Variants in ZNF658 observed in about 807,000 individuals in gnomAD.
The protein encoded by ZNF658 is zinc finger protein 658.
Under a neutral mutation model 78.0 loss-of-function variants are expected in ZNF658, and 46 were observed. The ratio of observed to expected loss-of-function variants is 0.59; its 90% CI spans 0.47 to 0.75. The LOEUF (loss-of-function observed/expected upper bound fraction) is 0.75. Among genes scored for constraint, ZNF658 ranks in the 30% least tolerant of loss-of-function variants. The pLI is 0.00. For synonymous variants in ZNF658, 279 were observed against 408.4 expected (o/e 0.68, Z 3.82); for missense variants, 785 against 1,189.3 (o/e 0.66, Z 5.00).
intron 4 of ZNF658, among the ~76,000 whole-genome samples, chr9:66,914,366 G>A (rs1822284728): frequency 6.6e-6 from 1 of 151,878 alleles, no homozygotes; most frequent in African/African-American, 2.4e-5. Context: ...TTCTGCCCTT[G>A]CTAAAAACAC....
rs1239229809 is a variant in ZNF658 at position 66,919,095 on chromosome 9, G to T, written c.1529G>T (p.Arg510Ile). ...GKTSHLKGHQ[R>I]ILMGEKPYEC... ...ACATCACATCTCAAAGGACATCAGA[G>T]AATTCTCATGGGGGAGAAACCCTAT... Residue 510 changes from arginine to isoleucine, a missense_variant, in exon 5 of 5, where the codon AGA becomes ATA. Transcript: ENST00000621410. 5 of 572,178 alleles carry T rather than the reference G, an allele frequency of 8.7e-6. No individual in the cohort carries two copies. Among genetic ancestry groups the T allele is most frequent in the East Asian group, 2.9e-5 (1 of 34,694 alleles). 35.4% of individuals were successfully genotyped at this position (572,178 alleles called of 1,614,324 possible).
intron 4 of ZNF658, 151 bp downstream of exon 4, chr9:66,908,885 G>A (rs1822147387): frequency 4.9e-6 from 3 of 606,494 alleles, no homozygotes; most frequent in East Asian, 2.8e-5. Flanking sequence ...GTGACTTCAA[G>A]CAACCACAGA....
intron 2 of ZNF658, 63 bp from the exon 3 acceptor site, chr9:66,908,175 T>C (rs1267666485): frequency 1.2e-6 from 2 of 1,612,424 alleles, no homozygotes; most frequent in Non-Finnish European, 1.7e-6. Context: ...ATTTTCTGTG[T>C]CACCCAATTC....
At chr9:66,901,231 C>T (rs1821945806) in intron 1 of ZNF658, among the ~76,000 whole-genome samples, 1 of 152,088 alleles carries the variant, frequency 6.6e-6, no homozygotes, top group Non-Finnish European at 1.5e-5. Flanking sequence ...TTTCACCTGA[C>T]CCTCACAACG....
intron 2 of ZNF658, among the ~76,000 whole-genome samples, chr9:66,905,015 C>A (rs1822039515): frequency 7.3e-6 from 1 of 136,994 alleles, no homozygotes; most frequent in Non-Finnish European, 1.6e-5. Flanking sequence ...CACTCTGATT[C>A]TCATGTCCAG....
intron 4 of ZNF658, among the ~76,000 whole-genome samples, chr9:66,912,143 A>G (rs529208321): frequency 8.2e-6 from 1 of 122,584 alleles, no homozygotes; most frequent in African/African-American, 3.8e-5. Context: ...AAAAAAAAAA[A>G]AAAAAAAGAC....
In ZNF658 at chr9:66,908,810, T is replaced by A. The variant is rs529075414; in HGVS notation, c.238+76T>A. 635 of 970,756 alleles carry A rather than the reference T, an allele frequency of 6.5e-4. 1 individual carries two copies. Among genetic ancestry groups the A allele is most frequent in the Non-Finnish European group, 9.6e-4 (608 of 633,774 alleles). The allele number at this position is 970,756 out of a possible 1,614,324, so 60.1% of individuals were successfully genotyped here. Reference sequence around the variant, plus strand: ...GGGAGAGCACCTTTGAAAGTTTTTTTGGAACAGCTTTATTGAGATATAATT... The same window carrying A: ...GGGAGAGCACCTTTGAAAGTTTTTTAGGAACAGCTTTATTGAGATATAATT... On this transcript the variant is annotated intron_variant, in intron 4 of 4. Transcript: ENST00000621410.
chr9:66,918,042 A>G lies in ZNF658; in HGVS notation c.476A>G (p.Tyr159Cys), dbSNP rs1822379652. ...ASQLIISERKYSRKKTEYMNV... is the reference protein window; with the variant it reads ...ASQLIISERKCSRKKTEYMNV... ...CAATTAATTATAAGTGAAAGAAAAT[A>G]TTCAAGAAAGAAGACTGAATACATG... is the stretch of plus-strand genomic sequence containing the variant. Residue 159 changes from tyrosine (Y) to cysteine (C), a missense_variant, in exon 5 of 5, where the codon TAT becomes TGT. Transcript: ENST00000621410. 6.2e-7 allele frequency: 1 copy of G among 1,600,046 alleles called. No individual in the cohort carries two copies.
intron 6 of ZNF658, among the ~76,000 whole-genome samples, chr9:66,926,996 A>G (rs4430138): frequency 0.54 from 81,678 of 149,998 alleles, 22,676 homozygotes; most frequent in African/African-American, 0.66. Context: ...GGAAAACTGG[A>G]TATCTCCATG....
chr9:66,901,884 G>A (rs1421574240), intron 1 of ZNF658, among the ~76,000 whole-genome samples: 2 of 152,146 alleles, frequency 1.3e-5, no homozygotes, highest in Non-Finnish European at 2.9e-5. Context: ...GGACGCTGCA[G>A]TGAGCCAAGA....
rs1332420 is a variant in ZNF658, at chr9:66,910,256, G to A, written c.238+1522G>A. 6.6e-4 allele frequency among the ~76,000 whole-genome samples: 101 copies of A among 152,162 alleles called. 1 individual carries two copies. Among genetic ancestry groups the A allele is most frequent in the Non-Finnish European group, 1.1e-3 (77 of 67,994 alleles). ...TTTATATGCCTATTAGGCTTTGTAC[G>A]AATAAATGATTCCAGAAATCTTAAA... On this transcript the variant is annotated intron_variant, in intron 4 of 4. Transcript: ENST00000621410.
At chr9:66,925,331 T>A (rs1438178504), downstream of ZNF658, among the ~76,000 whole-genome samples, 1 of 151,916 alleles carries the variant, frequency 6.6e-6, no homozygotes, top group East Asian at 1.9e-4. Context: ...ATCCTAAGAA[T>A]GTGAAATTGT....
At chr9:66,928,436 CTAAT>C (rs1260553858) in intron 6 of ZNF658, among the ~76,000 whole-genome samples, 1 of 149,446 alleles carries the variant, frequency 6.7e-6, no homozygotes, top group Non-Finnish European at 1.5e-5. Context: ...TTATTATTAA[CTAAT>C]AAGCTGATAA....
chr9:66,901,901 C>T (rs937989110), intron 1 of ZNF658, among the ~76,000 whole-genome samples: 3 of 152,078 alleles, frequency 2.0e-5, no homozygotes, highest in African/African-American at 4.8e-5. Flanking sequence ...AAGATTGCAC[C>T]ACTGCACTCC....
chr9:66,915,220 T>C (rs1822307825), intron 4 of ZNF658, among the ~76,000 whole-genome samples: 1 of 152,134 alleles, frequency 6.6e-6, no homozygotes, highest in Non-Finnish European at 1.5e-5. Flanking sequence ...TAAGTTAATA[T>C]GTTGTCGTAA....
At chr9:66,917,417 A>G (rs1234963437) in intron 4 of ZNF658, among the ~76,000 whole-genome samples, 1 of 97,322 alleles carries the variant, frequency 1.0e-5, no homozygotes, top group Non-Finnish European at 2.0e-5. Flanking sequence ...AATAAAATAC[A>G]TAACAAAACA....
Position 66,921,416 on chromosome 9 carries a change from T to C in ZNF658, c.*670T>C, listed in dbSNP as rs1406814952. On this transcript the variant is annotated 3_prime_UTR_variant, in exon 5 of 5. Coordinates refer to ENST00000621410, the MANE Select transcript of ZNF658 (RefSeq NM_033160.7). The stretch of plus-strand genomic sequence containing the variant: ...ACATCAATTATAATAAAATTTCATA[T>C]TTTGAATAAATGACATTTTTCCTAG... The C allele has an allele frequency of 6.6e-6, 1 of 151,104 alleles. No individual in the cohort carries two copies. Among genetic ancestry groups the C allele is most frequent in the Non-Finnish European group, 1.5e-5 (1 of 67,818 alleles). The allele number at this position is 151,104 out of a possible 1,614,324, so 9.4% of individuals were successfully genotyped here.
chr9:66,901,014 C>A (rs1191809769), intron 1 of ZNF658, 178 bp downstream of exon 1: 1 of 152,222 alleles, frequency 6.6e-6, no homozygotes, highest in Non-Finnish European at 1.5e-5. Flanking sequence ...GGCTGCCGGG[C>A]CCCGCGGGGT....
At chr9:66,902,769 A>T (rs1422280154) in intron 1 of ZNF658, 1 of 152,214 alleles carries the variant, frequency 6.6e-6, no homozygotes, top group Non-Finnish European at 1.5e-5. Context: ...TGCATAAAAC[A>T]TCCCATCTTT....
Sources: gnomAD v4.1 joint callset for allele counts (sites outside exome capture counted in the v4.1 genomes callset) on GRCh38, gnomAD v4.1.1 for gene constraint, MANE v1.5 for transcripts, NCBI Gene and HGNC (gene_info 2026-07-23, HGNC 2026-07-21) for gene names.